PCDHA5: variants seen among roughly 807,000 people sequenced by gnomAD.
The protein encoded by PCDHA5 is protocadherin alpha 5.
A neutral mutation model predicts 61.6 loss-of-function variants in PCDHA5; 43 were observed. The ratio of observed to expected loss-of-function variants is 0.70; its 90% CI spans 0.55 to 0.90. The LOEUF (loss-of-function observed/expected upper bound fraction) is 0.90. Among genes scored for constraint, PCDHA5 ranks in the 40% least tolerant of loss-of-function variants. PCDHA5 has a pLI of 0.00. For missense variants in PCDHA5, 1,298 were observed against 1,222.7 expected, an observed-to-expected ratio of 1.06 and a Z score of -0.92; for synonymous variants, 627 against 543.9, an observed-to-expected ratio of 1.15 and a Z score of -2.13.
intron 3 of PCDHA5, among the ~76,000 whole-genome samples, chr5:141,003,811 C>G (rs1490096042): frequency 1.3e-5 from 2 of 152,114 alleles, no homozygotes; most frequent in African/African-American, 4.8e-5. Context: ...AATCTGTAGT[C>G]TGGGAAGGGC....
At chr5:140,920,381 A>G (rs887594411) in intron 1 of PCDHA5, among the ~76,000 whole-genome samples, 1 of 152,164 alleles carries the variant, frequency 6.6e-6, no homozygotes, top group Non-Finnish European at 1.5e-5. Flanking sequence ...GTGGATTCAT[A>G]TTACCATCTG....
intron 1 of PCDHA5, among the ~76,000 whole-genome samples, chr5:140,921,032 T>A (rs6887800): frequency 0.023 from 3,565 of 152,036 alleles, 50 homozygotes; most frequent in Middle Eastern, 0.034. Context: ...TAGACTGGGG[T>A]GCAGTGGGGC....
intron 1 of PCDHA5, chr5:140,829,654 G>C: frequency 6.2e-7 from 1 of 1,612,542 alleles, no homozygotes; most frequent in Non-Finnish European, 8.5e-7. Context: ...ACGCGCTGCA[G>C]CCGCTGGACC....
intron 1 of PCDHA5, chr5:140,875,879 G>A: frequency 6.2e-7 from 1 of 1,614,214 alleles, no homozygotes. Context: ...TTCAGAGAAA[G>A]GGAACAAAAG....
At chr5:140,845,629 A>G (rs1437329229) in intron 1 of PCDHA5, among the ~76,000 whole-genome samples, 1 of 149,600 alleles carries the variant, frequency 6.7e-6, no homozygotes, top group East Asian at 1.9e-4. Flanking sequence ...GAAGCTCTCT[A>G]AATCAAGTCC....
intron 1 of PCDHA5, chr5:140,884,825 T>C (rs543714024): frequency 1.0e-6 from 1 of 967,424 alleles, no homozygotes; most frequent in Non-Finnish European, 1.5e-6. Flanking sequence ...CATTATGTGT[T>C]GGATTATCCT....
intron 1 of PCDHA5, among the ~76,000 whole-genome samples, chr5:140,945,500 T>A (rs2093799104): frequency 6.6e-6 from 1 of 152,046 alleles, no homozygotes; most frequent in South Asian, 2.1e-4. Flanking sequence ...CAAAGCAATA[T>A]TGAGCAAAGT....
intron 1 of PCDHA5, among the ~76,000 whole-genome samples, chr5:140,959,390 A>G (rs1554224055): frequency 6.6e-6 from 1 of 152,146 alleles, no homozygotes; most frequent in African/African-American, 2.4e-5. Context: ...AAAAGTCACA[A>G]ATTAAGATAA....
At chr5:141,008,341 T>C (rs1307430556) in intron 3 of PCDHA5, among the ~76,000 whole-genome samples, 2 of 152,132 alleles carry the variant, frequency 1.3e-5, no homozygotes, top group African/African-American at 4.8e-5. Context: ...TGATGGAGCT[T>C]TTCACGTGTC....
At chr5:140,870,390 G>T (rs377600629) in intron 1 of PCDHA5, 248 of 1,614,112 alleles carry the variant, frequency 1.5e-4, no homozygotes, top group Non-Finnish European at 1.8e-4. Context: ...CGCGGGATGG[G>T]GGTTCGCCTT....
chr5:140,989,805 A>G (rs3776110), intron 3 of PCDHA5, among the ~76,000 whole-genome samples: 8,341 of 152,306 alleles, frequency 0.055, 292 homozygotes, highest in East Asian at 0.12. Context: ...GGAAAGGGCC[A>G]TAAGATTGGT....
intron 1 of PCDHA5, among the ~76,000 whole-genome samples, chr5:140,827,565 CTA>C (rs1769331404): frequency 6.6e-6 from 1 of 152,156 alleles, no homozygotes; most frequent in Non-Finnish European, 1.5e-5. Context: ...CCCTAGAGCA[CTA>C]TATAATAGCA....
At chr5:140,948,106 T>A (rs1383733772) in intron 1 of PCDHA5, among the ~76,000 whole-genome samples, 1 of 151,652 alleles carries the variant, frequency 6.6e-6, no homozygotes, top group Non-Finnish European at 1.5e-5. Context: ...TGATTTTTCT[T>A]CGTTTTACTA....
intron 1 of PCDHA5, among the ~76,000 whole-genome samples, chr5:140,911,976 A>G (rs1270778875): frequency 6.6e-6 from 1 of 152,218 alleles, no homozygotes; most frequent in Non-Finnish European, 1.5e-5. Context: ...ATTAACTCAC[A>G]TGATCACAAG....
chr5:140,842,977 G>A (rs2150349031), intron 1 of PCDHA5: 2 of 1,595,034 alleles, frequency 1.3e-6, no homozygotes, highest in East Asian at 2.2e-5. Flanking sequence ...TGACGCTGCA[G>A]GTGTTCGTGC....
chr5:140,977,077 C>A (rs1303374839), intron 1 of PCDHA5, among the ~76,000 whole-genome samples: 1 of 152,138 alleles, frequency 6.6e-6, no homozygotes, highest in Non-Finnish European at 1.5e-5. Context: ...AGCAGCATGA[C>A]AAATTAAATG....
intron 1 of PCDHA5, among the ~76,000 whole-genome samples, chr5:140,846,800 G>A (rs1554141497): frequency 6.7e-6 from 1 of 149,352 alleles, no homozygotes; most frequent in African/African-American, 2.5e-5. Flanking sequence ...CCCAGCCCCT[G>A]GCTTTAAAAT....
intron 1 of PCDHA5, chr5:140,830,054 G>A (rs2150180380): frequency 4.3e-6 from 7 of 1,613,740 alleles, no homozygotes; most frequent in South Asian, 1.1e-5. Flanking sequence ...GAAAGACCAC[G>A]GTGAGCCGGC....
intron 1 of PCDHA5, among the ~76,000 whole-genome samples, chr5:140,970,958 C>T (rs1554232904): frequency 6.6e-6 from 1 of 152,106 alleles, no homozygotes; most frequent in Non-Finnish European, 1.5e-5. Context: ...CCATGGGAGG[C>T]AGATTGTAGA....
Sources: gnomAD v4.1 joint callset for allele counts (sites outside exome capture counted in the v4.1 genomes callset) on GRCh38, gnomAD v4.1.1 for gene constraint, MANE v1.5 for transcripts, NCBI Gene and HGNC (gene_info 2026-07-23, HGNC 2026-07-21) for gene names.